Variants in HNRNPLL observed in about 807,000 individuals in gnomAD.
HNRNPLL encodes heterogeneous nuclear ribonucleoprotein L-like.
In HNRNPLL, 25 loss-of-function variants were observed where a neutral mutation model predicts 67.1. That is an observed-to-expected ratio of 0.37 (90% confidence interval 0.27 to 0.52). The LOEUF (loss-of-function observed/expected upper bound fraction) is 0.52. Ranked by LOEUF, HNRNPLL falls within the 20% of genes least tolerant of loss-of-function variation. HNRNPLL has a pLI of 0.90. For synonymous variants in HNRNPLL, 267 were observed against 241.7 expected, an observed-to-expected ratio of 1.10 and a Z score of -0.97; for missense variants, 542 against 673.9, an observed-to-expected ratio of 0.80 and a Z score of 2.17.
chr2:38,572,422 A>G (rs1447377365), intron 8 of HNRNPLL, among the ~76,000 whole-genome samples: 2 of 152,102 alleles, frequency 1.3e-5, no homozygotes, highest in Admixed American at 6.6e-5. Context: ...GAACACTAAA[A>G]TCACTTAAAA....
intron 12 of HNRNPLL, among the ~76,000 whole-genome samples, chr2:38,565,727 CAAAAAAAAAAAAAAAA>C (rs200356084): frequency 1.4e-5 from 1 of 73,298 alleles, no homozygotes; most frequent in Admixed American, 1.4e-4. Context: ...GACCCTGTCT[CAAAAAAAAAAAAAAAA>C]AAAAAAAAAA....
At chr2:38,583,968 G>GA (rs773508462) in intron 3 of HNRNPLL, 42 bp from the exon 4 acceptor site, 3 of 846,206 alleles carry the variant, frequency 3.5e-6, no homozygotes, top group Admixed American at 5.3e-5. Context: ...CTTTACATCT[G>GA]AAAAAACATT....
intron 12 of HNRNPLL, chr2:38,565,997 T>G: frequency 1.0e-6 from 1 of 962,880 alleles, no homozygotes; most frequent in Non-Finnish European, 1.2e-6. Context: ...AAACCATCAT[T>G]CATCACCACA....
intron 2 of HNRNPLL, among the ~76,000 whole-genome samples, chr2:38,589,310 T>G (rs1046289434): frequency 6.6e-6 from 1 of 152,222 alleles, no homozygotes; most frequent in Non-Finnish European, 1.5e-5. Flanking sequence ...GATTCACCAT[T>G]TTAATATAAG....
chr2:38,577,337 T>C (rs1666337551), intron 7 of HNRNPLL, 124 bp downstream of exon 7: 3 of 657,584 alleles, frequency 4.6e-6, no homozygotes, highest in South Asian at 1.8e-5. Flanking sequence ...TACAAGGGAC[T>C]GATCCCATAT....
chr2:38,579,528 T>A (rs920307081), intron 6 of HNRNPLL, among the ~76,000 whole-genome samples: 1 of 151,944 alleles, frequency 6.6e-6, no homozygotes, highest in Non-Finnish European at 1.5e-5. Flanking sequence ...CCTAAATATA[T>A]CAGTTTCTAA....
In HNRNPLL at chr2:38,568,595, G is replaced by GA. The variant is rs777923242; in HGVS notation, c.1417-153dup. 4.7e-5 allele frequency: 28 copies of GA among 590,020 alleles called. No individual in the cohort carries two copies. The Middle Eastern group carries it at 1.3e-3, about 28-fold the overall frequency. The allele number at this position is 590,020 out of a possible 1,614,324, so 36.5% of individuals were successfully genotyped here. ...TTTCTACATTAATATCAAGCTGTAT[G>GA]AAAAAATCAATTAAAAACAGTAAAA... On this transcript the variant is annotated intron_variant, in intron 10 of 12. Coordinates refer to ENST00000449105, the MANE Select transcript of HNRNPLL (RefSeq NM_138394.4).
chr2:38,602,080 GA>G (rs1667461125), intron 1 of HNRNPLL: 1 of 267,610 alleles, frequency 3.7e-6, no homozygotes, highest in Non-Finnish European at 7.1e-6. Flanking sequence ...CGGTGGTCCC[GA>G]CGCTGGCCCC....
At chr2:38,569,019 T>C (rs114887558) in intron 10 of HNRNPLL, 114 bp downstream of exon 10, 219 of 756,324 alleles carry the variant, frequency 2.9e-4, no homozygotes, top group Admixed American at 4.8e-4. Context: ...GTAAATAAAA[T>C]AGTAATAACA....
chr2:38,568,258 C>T lies in HNRNPLL; in HGVS notation c.1514G>A (p.Cys505Tyr). ...AAGGGCTTCTACTGCATCAGTTTTG[C>T]ACTCCCATTCTAATAGCCCAGAAAG... is the stretch of plus-strand genomic sequence containing the variant. ...KTLSGLLEWE[C>Y]KTDAVEALTA... is the part of the protein sequence containing the mutation. Residue 505 changes from cysteine to tyrosine, a missense_variant, in exon 12 of 13, where the codon TGC (cysteine) becomes TAC (tyrosine). Physicochemically the swap from Cys to Tyr is radical, Grantham distance 194. Transcript: ENST00000449105. 6.2e-7 allele frequency: 1 copy of T among 1,613,638 alleles called. No homozygotes were observed. Among genetic ancestry groups the T allele is most frequent in the South Asian group, 1.1e-5 (1 of 91,072 alleles).
Position 38,568,506 on chromosome 2 carries a change from A to T in HNRNPLL, c.1417-63T>A, listed in dbSNP as rs533636598. On this transcript the variant is annotated intron_variant, in intron 10 of 12. Coordinates refer to ENST00000449105, the MANE Select transcript of HNRNPLL (RefSeq NM_138394.4). ...AAAATAATATCCCACTTTTTTACAG[A>T]AAGTAAACTTTATGGCAGAATTTAA... 3.0e-4 allele frequency: 322 copies of T among 1,087,956 alleles called. 2 individuals are homozygous for T. In the South Asian group the frequency reaches 4.4e-3, roughly 15 times the overall value. 67.4% of individuals were successfully genotyped at this position (1,087,956 alleles called of 1,614,324 possible). A position where few individuals can be genotyped will look rare whatever the true frequency, so the allele number is the denominator to read the frequency against.
chr2:38,585,712 C>T lies in HNRNPLL; in HGVS notation c.478G>A (p.Asp160Asn). 1 of 1,613,930 alleles carries T rather than the reference C, an allele frequency of 6.2e-7. No homozygotes were observed. Reference protein sequence around the residue: ...SKRITRPGNTDDPSGGNKVLL... With the variant: ...SKRITRPGNTNDPSGGNKVLL... ...ACTTTGTTGCCTCCTGATGGATCAT[C>T]AGTATTTCCTGGCCGAGTGATCCTT... Residue 160 changes from aspartate to asparagine, a missense_variant, in exon 3 of 13, where the codon GAT becomes AAT. By Grantham distance (23) the Asp-to-Asn change is conservative. Transcript: ENST00000449105.
intron 7 of HNRNPLL, 102 bp from the exon 8 acceptor site, chr2:38,573,529 T>C: frequency 1.4e-6 from 1 of 731,136 alleles, no homozygotes; most frequent in East Asian, 2.7e-5. Flanking sequence ...AATAAACTCT[T>C]AATATTAGCT....
chr2:38,586,108 G>A (rs906856062), intron 2 of HNRNPLL, among the ~76,000 whole-genome samples: 52 of 151,220 alleles, frequency 3.4e-4, no homozygotes, highest in Admixed American at 1.8e-3. Context: ...TGCAAGCTCC[G>A]CCTCCCGGGT....
chr2:38,597,868 T>C (rs1190157674), intron 1 of HNRNPLL, among the ~76,000 whole-genome samples: 2 of 152,010 alleles, frequency 1.3e-5, no homozygotes, highest in Non-Finnish European at 1.5e-5. Flanking sequence ...TTTGTATTTT[T>C]AGTAGAGACG....
In HNRNPLL at chr2:38,569,793, T is replaced by C; in HGVS notation, c.1214+11A>G. On this transcript the variant is annotated intron_variant, in intron 9 of 12. Transcript: ENST00000449105. ...ATTTTTTAAAATTTATCATTTAAGA[T>C]AGATAATTACCAAACATTAAGTCTT... The C allele has an allele frequency of 7.5e-7, 1 of 1,334,498 alleles. No homozygotes were observed. 82.7% of individuals were successfully genotyped at this position (1,334,498 alleles called of 1,614,324 possible).
In HNRNPLL at chr2:38,602,614, A is replaced by G. The variant is rs777409709; in HGVS notation, c.13T>C (p.Ser5Pro). The G allele has an allele frequency of 3.2e-6, 5 of 1,542,578 alleles. No individual in the cohort carries two copies. In the African/African-American group the frequency reaches 5.6e-5, roughly 17 times the overall value. MSSS[S>P]SSPRETYEED... ...TCGTACGTCTCCCTGGGGGAGGAAG[A>G]GGAGGAGGACATGGCGGCGGCCGGA... Residue 5 changes from serine (S) to proline (P), a missense_variant, in exon 1 of 13, where the codon TCT (serine) becomes CCT (proline). By Grantham distance (74) the Ser-to-Pro change is moderately conservative (BLOSUM62 -1). Coordinates refer to ENST00000449105, the MANE Select transcript of HNRNPLL (RefSeq NM_138394.4).
intron 1 of HNRNPLL, among the ~76,000 whole-genome samples, chr2:38,599,213 T>A (rs1036457472): frequency 9.9e-5 from 15 of 152,234 alleles, no homozygotes; most frequent in Non-Finnish European, 4.4e-5. Context: ...TTCACGTCTA[T>A]TTACTAAAAG....
chr2:38,596,828 T>G (rs770329456), intron 1 of HNRNPLL, among the ~76,000 whole-genome samples: 41 of 152,154 alleles, frequency 2.7e-4, no homozygotes, highest in Non-Finnish European at 5.6e-4. Context: ...CCCAGCTGCG[T>G]ACCCAGAAAA....
Sources: gnomAD v4.1 joint callset for allele counts (sites outside exome capture counted in the v4.1 genomes callset) on GRCh38, gnomAD v4.1.1 for gene constraint, MANE v1.5 for transcripts, NCBI Gene and HGNC (gene_info 2026-07-23, HGNC 2026-07-21) for gene names.